Variants in ZNF664 observed in about 807,000 individuals in gnomAD.
ZNF664 encodes zinc finger Organ of Corti 1.
Under a neutral mutation model 18.2 loss-of-function variants are expected in ZNF664, and 10 were observed. The ratio of observed to expected loss-of-function variants is 0.55; its 90% CI spans 0.34 to 0.93. The LOEUF (loss-of-function observed/expected upper bound fraction) is 0.93. Ranked by LOEUF, ZNF664 falls within the 40% of genes least tolerant of loss-of-function variation. ZNF664 has a pLI of 0.02. For synonymous variants in ZNF664, 119 were observed against 104.2 expected, an observed-to-expected ratio of 1.14 and a Z score of -0.86; for missense variants, 193 against 319.0, an observed-to-expected ratio of 0.61 and a Z score of 3.01.
At chr12:123,994,245 C>G (rs796320852) in intron 3 of ZNF664, among the ~76,000 whole-genome samples, 1 of 152,086 alleles carries the variant, frequency 6.6e-6, no homozygotes, top group Non-Finnish European at 1.5e-5. Flanking sequence ...GATTCTCAAC[C>G]CCTTTTTGTG....
At chr12:124,002,116 C>A (rs186890320) in intron 3 of ZNF664, among the ~76,000 whole-genome samples, 1 of 152,120 alleles carries the variant, frequency 6.6e-6, no homozygotes, top group African/African-American at 2.4e-5. Context: ...CTGACAAGCC[C>A]GGGAGCCGCT....
At chr12:124,007,839 C>G (rs920635822) in intron 3 of ZNF664, among the ~76,000 whole-genome samples, 2 of 152,036 alleles carry the variant, frequency 1.3e-5, no homozygotes, top group African/African-American at 4.8e-5. Flanking sequence ...TTTACTTTCC[C>G]TTTTTTTGTT....
At chr12:123,997,339 A>G (rs1414224234) in intron 3 of ZNF664, among the ~76,000 whole-genome samples, 1 of 152,220 alleles carries the variant, frequency 6.6e-6, no homozygotes, top group Non-Finnish European at 1.5e-5. Flanking sequence ...GGGCTGCTGT[A>G]ACAAAGTACC....
Position 123,973,970 on chromosome 12 carries a change from C to G in ZNF664, c.-807C>G. 1 of 1,231,798 alleles carries G rather than the reference C, an allele frequency of 8.1e-7. No homozygotes were observed. Among genetic ancestry groups the G allele is most frequent in the Non-Finnish European group, 1.0e-6 (1 of 988,086 alleles). 76.3% of individuals were successfully genotyped at this position (1,231,798 alleles called of 1,614,324 possible). On this transcript the variant is annotated 5_prime_UTR_variant, in exon 2 of 5. Coordinates refer to ENST00000337815, the MANE Select transcript of ZNF664 (RefSeq NM_152437.3). ...CGCACCCAGCGCAGAAGGCTGCTGC[C>G]GCCGGACGCCTCCATTGTTTGACCA...
intron 2 of ZNF664, among the ~76,000 whole-genome samples, chr12:123,976,740 T>C (rs548598294): frequency 1.0e-3 from 153 of 152,036 alleles, no homozygotes; most frequent in African/African-American, 3.5e-3. Context: ...GGAATTCACA[T>C]TGACCTCACG....
At chr12:123,975,933 C>G (rs1405028139) in intron 2 of ZNF664, among the ~76,000 whole-genome samples, 1 of 152,106 alleles carries the variant, frequency 6.6e-6, no homozygotes, top group Non-Finnish European at 1.5e-5. Flanking sequence ...AATTTGCAGG[C>G]TGCATCAGAG....
chr12:124,013,135 C>A lies in ZNF664; in HGVS notation c.*205C>A. 1 of 700,038 alleles carries A rather than the reference C, an allele frequency of 1.4e-6. No homozygotes were observed. Among genetic ancestry groups the A allele is most frequent in the Non-Finnish European group, 2.3e-6 (1 of 427,680 alleles). 43.4% of individuals were successfully genotyped at this position (700,038 alleles called of 1,614,324 possible). A position where few individuals can be genotyped will look rare whatever the true frequency, so the allele number is the denominator to read the frequency against. On this transcript the variant is annotated 3_prime_UTR_variant, in exon 5 of 5. Transcript: ENST00000337815. ...TTGAATGTGGACCTCTGAGCATCCA[C>A]GCAGGATGGCTCTCAGGTCCCAGTC...
intron 2 of ZNF664, chr12:123,974,330 G>A (rs1956654554): frequency 6.6e-6 from 2 of 302,324 alleles, no homozygotes. Flanking sequence ...TGCAACAAAG[G>A]AGACCAGATA....
chr12:123,981,975 A>G (rs1956770174), intron 2 of ZNF664, among the ~76,000 whole-genome samples: 1 of 152,232 alleles, frequency 6.6e-6, no homozygotes, highest in African/African-American at 2.4e-5. Flanking sequence ...ACTTCAGATA[A>G]TACCATGATT....
chr12:123,988,002 A>G (rs1956844580), intron 2 of ZNF664, 41 bp from the exon 3 acceptor site: 1 of 1,231,144 alleles, frequency 8.1e-7, no homozygotes, highest in Non-Finnish European at 1.0e-6. Context: ...TAAATTCTCT[A>G]TAAATAAACC....
chr12:123,976,122 C>T (rs1956688752), intron 2 of ZNF664, among the ~76,000 whole-genome samples: 1 of 152,044 alleles, frequency 6.6e-6, no homozygotes, highest in Non-Finnish European at 1.5e-5. Context: ...TCTCTTGAAG[C>T]TTATGATTTG....
chr12:124,000,916 A>C (rs1016707369), intron 3 of ZNF664, among the ~76,000 whole-genome samples: 2 of 151,998 alleles, frequency 1.3e-5, no homozygotes, highest in Non-Finnish European at 2.9e-5. Flanking sequence ...ACACATGTAT[A>C]CCTTATAAAG....
Position 124,012,425 on chromosome 12 carries a change from A to C in ZNF664, c.281A>C (p.Lys94Thr). ...EKPYKCYECG[K>T]AFNWSSHLQI... ...CCCTATAAATGTTACGAGTGTGGCA[A>C]AGCCTTCAATTGGAGCTCCCATCTT... Residue 94 changes from lysine to threonine, a missense_variant, in exon 5 of 5, where the codon AAA becomes ACA. This residue lies in a region of ZNF664 where 90 missense variants were observed against 118.9 expected (regional missense o/e 0.76). Coordinates refer to ENST00000337815, the MANE Select transcript of ZNF664 (RefSeq NM_152437.3). The C allele has an allele frequency of 6.2e-7, 1 of 1,614,254 alleles. No homozygotes were observed. The highest frequency in any genetic ancestry group is 8.5e-7 in the Non-Finnish European group (1 of 1,180,052).
Position 124,003,113 on chromosome 12 carries a change from T to A in ZNF664, c.-660-8268T>A, listed in dbSNP as rs150975489. On this transcript the variant is annotated intron_variant, in intron 3 of 4. Transcript: ENST00000337815. ...TGGCATGTTGGGAAAGAAACCCGCCTGCAGGGGTGGGGCTGTGGTATCCAA... is the reference window on the plus strand; with the variant it reads ...TGGCATGTTGGGAAAGAAACCCGCCAGCAGGGGTGGGGCTGTGGTATCCAA... 2.0e-5 allele frequency among the ~76,000 whole-genome samples: 3 copies of A among 152,326 alleles called. No homozygotes were observed. In the East Asian group the frequency reaches 5.8e-4, roughly 29 times the overall value.
chr12:123,976,857 G>T (rs1178877983), intron 2 of ZNF664, among the ~76,000 whole-genome samples: 1 of 151,854 alleles, frequency 6.6e-6, no homozygotes, highest in Non-Finnish European at 1.5e-5. Context: ...GAGGCAGGTG[G>T]ATCATGAGGT....
chr12:123,986,055 G>A (rs1956820826), intron 2 of ZNF664, among the ~76,000 whole-genome samples: 1 of 151,740 alleles, frequency 6.6e-6, no homozygotes, highest in Admixed American at 6.6e-5. Flanking sequence ...TATACCTAGA[G>A]ATAAGACATC....
intron 2 of ZNF664, among the ~76,000 whole-genome samples, chr12:123,978,964 C>A (rs1289743313): frequency 6.6e-6 from 1 of 151,952 alleles, no homozygotes; most frequent in Non-Finnish European, 1.5e-5. Context: ...AAAGAAAGAT[C>A]CTACTTCACA....
chr12:124,002,448 A>C (rs1347854897), intron 3 of ZNF664, among the ~76,000 whole-genome samples: 2 of 152,326 alleles, frequency 1.3e-5, no homozygotes, highest in Admixed American at 6.5e-5. Flanking sequence ...AAGGGTGACT[A>C]CTGGTAGAGG....
intron 3 of ZNF664, among the ~76,000 whole-genome samples, chr12:123,991,218 T>C (rs937997655): frequency 2.6e-5 from 4 of 152,210 alleles, no homozygotes; most frequent in African/African-American, 7.2e-5. Context: ...AGCTAATCAT[T>C]GTGTCCCATT....
Sources: allele counts gnomAD v4.1 joint callset (sites outside exome capture counted in the v4.1 genomes callset), GRCh38; gene constraint gnomAD v4.1.1; regional missense constraint gnomAD v4.1.1; transcripts MANE v1.5; gene names NCBI Gene and HGNC (gene_info 2026-07-23, HGNC 2026-07-21).